Variants in POLR1C observed in about 807,000 individuals in gnomAD.
The protein encoded by POLR1C is DNA-directed RNA polymerases I and III subunit RPAC1.
POLR1C carries 42 observed loss-of-function variants against 38.3 expected under a neutral mutation model. The observed-to-expected ratio is 1.10, with a 90% CI of 0.86 to 1.42. POLR1C has a LOEUF of 1.42. Ranked by LOEUF, POLR1C falls within the 40% of genes most tolerant of loss-of-function variation. The pLI, the probability that POLR1C is intolerant of heterozygous loss-of-function variation, is 0.00. For synonymous variants in POLR1C, 163 were observed against 163.9 expected (o/e 0.99, Z 0.04); for missense variants, 507 against 450.5 (o/e 1.13, Z -1.14).
intron 9 of POLR1C, chr6:43,549,770 T>C (rs747136082): frequency 2.5e-6 from 3 of 1,214,360 alleles, no homozygotes; most frequent in Non-Finnish European, 2.3e-6. Context: ...CAAAACAACA[T>C]ATATGATAAT....
chr6:43,547,711 A>C (rs781108933), intron 9 of POLR1C: 1 of 1,613,734 alleles, frequency 6.2e-7, no homozygotes, highest in Non-Finnish European at 8.5e-7. Context: ...CAGCACTCTG[A>C]AGGTTGGAGG....
At chr6:43,527,000 GAT>G (rs1793639394) in intron 8 of POLR1C, 1 of 481,496 alleles carries the variant, frequency 2.1e-6, no homozygotes, top group Non-Finnish European at 3.8e-6. Flanking sequence ...ACTAGGAAAG[GAT>G]GCTTGATACA....
chr6:43,530,902 T>C (rs1163735152), downstream of POLR1C: 22 of 1,497,632 alleles, frequency 1.5e-5, no homozygotes, highest in Admixed American at 3.9e-4. Flanking sequence ...ATGAATTTCA[T>C]TTCTAGCCTA....
At chr6:43,551,133 G>T in intron 10 of POLR1C, 1 of 597,152 alleles carries the variant, frequency 1.7e-6, no homozygotes, top group Non-Finnish European at 2.6e-6. Flanking sequence ...GTGCATGCTT[G>T]TAGTCTCAGC....
chr6:43,539,524 C>T, intron 9 of POLR1C: 2 of 1,524,116 alleles, frequency 1.3e-6, no homozygotes, highest in South Asian at 2.3e-5. Context: ...TGACGGGCAT[C>T]CACTCCTTAT....
intron 9 of POLR1C, among the ~76,000 whole-genome samples, chr6:43,545,977 T>C (rs902342310): frequency 2.0e-5 from 3 of 152,196 alleles, no homozygotes; most frequent in Non-Finnish European, 4.4e-5. Context: ...TGATTTAGTA[T>C]GTCTGGGGTG....
Position 43,519,736 on chromosome 6 carries a change from G to C in POLR1C, c.280G>C (p.Val94Leu). Residue 94 changes from valine to leucine, a missense_variant, in exon 4 of 9, where the codon GTG becomes CTG. Coordinates refer to ENST00000642195, the MANE Select transcript of POLR1C (RefSeq NM_203290.4). ...AACTATGGCTGTGGAGAAGGTCCTG[G>C]TGTACAATAATACATCCATTGTTCA... The part of the protein sequence containing the change: ...VPTMAVEKVL[V>L]YNNTSIVQDE... 1 of 1,614,126 alleles carries C rather than the reference G, an allele frequency of 6.2e-7. No homozygotes were observed. Among genetic ancestry groups the C allele is most frequent in the Non-Finnish European group, 8.5e-7 (1 of 1,180,018 alleles).
chr6:43,544,114 C>G (rs540182648), intron 9 of POLR1C: 1 of 152,890 alleles, frequency 6.5e-6, no homozygotes, highest in African/African-American at 2.4e-5. Flanking sequence ...AAGCACTGAA[C>G]TCTTAGAAAA....
At chr6:43,543,932 C>T (rs1794839160) in intron 9 of POLR1C, among the ~76,000 whole-genome samples, 1 of 152,178 alleles carries the variant, frequency 6.6e-6, no homozygotes, top group Non-Finnish European at 1.5e-5. Context: ...GCGCCTTGGC[C>T]TCTCACAGTG....
Position 43,517,498 on chromosome 6 carries a change from A to G in POLR1C, c.141+121A>G, listed in dbSNP as rs570700248. On this transcript the variant is annotated intron_variant, in intron 2 of 8. Transcript: ENST00000642195. ...GCTCCGTTTGTAAGTTTGTTGAGCA[A>G]TGTGCTAGACGCTCCGTTTACAGGC... The G allele has an allele frequency of 5.2e-5, 44 of 844,632 alleles. 1 individual carries two copies. The highest frequency in any genetic ancestry group is 6.4e-4 in the Middle Eastern group (2 of 3,128). 52.3% of individuals were successfully genotyped at this position (844,632 alleles called of 1,614,324 possible).
chr6:43,537,685 C>T (rs1039444857), intron 9 of POLR1C, among the ~76,000 whole-genome samples: 1 of 152,118 alleles, frequency 6.6e-6, no homozygotes, highest in South Asian at 2.1e-4. Flanking sequence ...TAGACAAGAT[C>T]AAACAATACT....
intron 9 of POLR1C, chr6:43,546,449 T>G (rs1561874751): frequency 2.1e-6 from 2 of 947,526 alleles, no homozygotes; most frequent in Non-Finnish European, 2.9e-6. Context: ...TAGAAAGAAA[T>G]AAGACTTAAA....
intron 9 of POLR1C, among the ~76,000 whole-genome samples, chr6:43,540,169 C>T (rs1794614403): frequency 1.3e-5 from 2 of 152,126 alleles, no homozygotes; most frequent in African/African-American, 2.4e-5. Context: ...GAGGGGGGAT[C>T]ACCTGAGGTC....
At chr6:43,550,117 C>G (rs1795157644) in intron 9 of POLR1C, among the ~76,000 whole-genome samples, 1 of 152,176 alleles carries the variant, frequency 6.6e-6, no homozygotes, top group Admixed American at 6.6e-5. Context: ...ATAACCTCTA[C>G]AAGAGTCATC....
chr6:43,537,360 G>A lies in POLR1C; in HGVS notation c.*4+8001G>A, dbSNP rs144533640. Reference sequence around the variant, plus strand: ...TTAAAGGCTAAACCTTTACTATTGTGTTGAACCCATCATCATCTACAAAGG... The same window carrying A: ...TTAAAGGCTAAACCTTTACTATTGTATTGAACCCATCATCATCTACAAAGG... On this transcript the variant is annotated intron_variant, in intron 9 of 10. Coordinates refer to the POLR1C transcript ENST00000607635. Among the ~76,000 whole-genome samples, 9 of 152,212 alleles carry A rather than the reference G, an allele frequency of 5.9e-5. No homozygotes were observed. In the East Asian group the frequency reaches 1.7e-3, roughly 29 times the overall value.
intron 2 of POLR1C, among the ~76,000 whole-genome samples, chr6:43,518,006 C>T: frequency 6.6e-6 from 1 of 151,900 alleles, no homozygotes; most frequent in Non-Finnish European, 1.5e-5. Flanking sequence ...AAAGTATGAA[C>T]AATGAAAAAG....
chr6:43,532,722 T>C (rs1347784032), downstream of POLR1C, among the ~76,000 whole-genome samples: 2 of 152,214 alleles, frequency 1.3e-5, no homozygotes, highest in Non-Finnish European at 2.9e-5. Context: ...TGAGACTGGG[T>C]TAGGTCTCCC....
chr6:43,517,490 G>A, intron 2 of POLR1C, 113 bp downstream of exon 2: 1 of 880,582 alleles, frequency 1.1e-6, no homozygotes, highest in Non-Finnish European at 1.9e-6. Flanking sequence ...TTGTAAGTTT[G>A]TTGAGCAATG....
At chr6:43,560,133 T>C (rs1380870933) in intron 10 of POLR1C, 3 of 1,595,680 alleles carry the variant, frequency 1.9e-6, no homozygotes, top group African/African-American at 1.3e-5. Context: ...AGTCTTATTA[T>C]GTGTATTCAC....
Sources: gnomAD v4.1 joint callset for allele counts (sites outside exome capture counted in the v4.1 genomes callset) on GRCh38, gnomAD v4.1.1 for gene constraint, MANE v1.5 for transcripts, NCBI Gene and HGNC (gene_info 2026-07-23, HGNC 2026-07-21) for gene names.